Variants in PCNT observed in about 807,000 individuals in gnomAD.
PCNT encodes pericentrin.
PCNT carries 319 observed loss-of-function variants against 380.4 expected under a neutral mutation model. That is an observed-to-expected ratio of 0.84 (90% CI 0.77 to 0.92). The LOEUF (loss-of-function observed/expected upper bound fraction) is 0.92. PCNT is among the 40% of genes least tolerant of loss of function. PCNT has a pLI of 0.00. For synonymous variants in PCNT, 1,845 were observed against 1,735.2 expected (o/e 1.06, Z -1.57); for missense variants, 4,400 against 4,255.3 (o/e 1.03, Z -0.95).
At chr21:46,370,906 G>A (rs1264617986) in intron 15 of PCNT, among the ~76,000 whole-genome samples, 1 of 152,048 alleles carries the variant, frequency 6.6e-6, no homozygotes, top group African/African-American at 2.4e-5. Context: ...ATGGTGGTGG[G>A]CGCCTGTAGT....
At chr21:46,344,787 A>T (rs902074663) in intron 3 of PCNT, among the ~76,000 whole-genome samples, 1 of 152,224 alleles carries the variant, frequency 6.6e-6, no homozygotes, top group African/African-American at 2.4e-5. Context: ...GGCCCCCTGC[A>T]GCTTTTCTTT....
chr21:46,418,577 C>T (rs770887262), intron 31 of PCNT, among the ~76,000 whole-genome samples: 2 of 152,252 alleles, frequency 1.3e-5, no homozygotes, highest in Non-Finnish European at 1.5e-5. Flanking sequence ...GCTACAGCTA[C>T]AGACCTTGCT....
intron 28 of PCNT, among the ~76,000 whole-genome samples, chr21:46,412,581 T>A (rs1275974921): frequency 6.6e-6 from 1 of 152,134 alleles, no homozygotes; most frequent in African/African-American, 2.4e-5. Flanking sequence ...CTTTGTAGAG[T>A]GGCTCCCACT....
At chr21:46,436,224 G>A (rs2053442775) in intron 39 of PCNT, 76 bp downstream of exon 39, 1 of 1,555,800 alleles carries the variant, frequency 6.4e-7, no homozygotes, top group Non-Finnish European at 8.7e-7. Flanking sequence ...CCGAGGGCTG[G>A]GGCGCGTCTG....
At chr21:46,409,202 T>C (rs2086709018) in intron 27 of PCNT, among the ~76,000 whole-genome samples, 1 of 150,066 alleles carries the variant, frequency 6.7e-6, no homozygotes, top group Non-Finnish European at 1.5e-5. Flanking sequence ...TTTTTTTTTT[T>C]TTTTTTGACA....
intron 31 of PCNT, chr21:46,420,743 G>T: frequency 6.6e-6 from 1 of 152,598 alleles, no homozygotes; most frequent in South Asian, 2.0e-4. Context: ...GGCACTGGGT[G>T]ACAGTGTCCG....
rs1425966224 is a variant in PCNT at position 46,425,714 on chromosome 21, C to T, written c.7180-117C>T. ...ACGAAGCCGAGGCGGTGCCCTCCCTCTCCACAGCTGCCCGCCCTTCACAGA... is the reference window on the plus strand; with the variant it reads ...ACGAAGCCGAGGCGGTGCCCTCCCTTTCCACAGCTGCCCGCCCTTCACAGA... On this transcript the variant is annotated intron_variant, in intron 32 of 46. Coordinates refer to ENST00000359568, the MANE Select transcript of PCNT (RefSeq NM_006031.6). The surrounding 1 kb of genome is among the most constrained non-coding windows in gnomAD (Gnocchi z 4.2). 1.4e-6 allele frequency: 2 copies of T among 1,480,724 alleles called. No homozygotes were observed. The highest frequency in any genetic ancestry group is 1.9e-6 in the Non-Finnish European group (2 of 1,071,028). 91.7% of individuals were successfully genotyped at this position (1,480,724 alleles called of 1,614,324 possible). A position where few individuals can be genotyped will look rare whatever the true frequency, so the allele number is the denominator to read the frequency against.
chr21:46,388,734 T>C lies in PCNT; in HGVS notation c.3465-8T>C, dbSNP rs997591754. ...AGCTTGCCTGATGATGGGTGTCTCC[T>C]GTCTCAGAGGGGCCCTCCAGGACGC... is the stretch of plus-strand genomic sequence containing the variant. On this transcript the variant is annotated splice_region_variant and splice_polypyrimidine_tract_variant and intron_variant, in intron 17 of 46. Transcript: ENST00000359568. This position sits in a 1 kb window ranked among gnomAD's most constrained non-coding sequence, Gnocchi z 4.2. 6.2e-7 allele frequency: 1 copy of C among 1,613,670 alleles called. No individual in the cohort carries two copies. The highest frequency in any genetic ancestry group is 1.7e-5 in the Admixed American group (1 of 60,022).
chr21:46,437,063 C>T lies in PCNT; in HGVS notation c.9081C>T (p.Ser3027=). 4 of 1,613,622 alleles carry T rather than the reference C, an allele frequency of 2.5e-6. No individual in the cohort carries two copies. The highest frequency in any genetic ancestry group is 2.5e-6 in the Non-Finnish European group (3 of 1,179,642). Residue 3027 remains serine, a synonymous_variant, in exon 40 of 47, where the codon AGC becomes AGT. Transcript: ENST00000359568. ...TGGAGGAGCTGAAGTCTGACTTGAGCAGGCCCACCTCCTCCCAGGTAAGGG... is the reference window on the plus strand; with the variant it reads ...TGGAGGAGCTGAAGTCTGACTTGAGTAGGCCCACCTCCTCCCAGGTAAGGG... ...HTLEELKSDL[S]RPTSSQKKMA... is the part of the protein sequence containing the mutation.
At chr21:46,415,862 T>C (rs1226186753) in intron 29 of PCNT, among the ~76,000 whole-genome samples, 2 of 152,158 alleles carry the variant, frequency 1.3e-5, no homozygotes, top group African/African-American at 4.8e-5. Context: ...ACCGCAGAAA[T>C]AGGTTATGAC....
At chr21:46,423,718 G>A (rs1438570186) in intron 32 of PCNT, among the ~76,000 whole-genome samples, 1 of 35,106 alleles carries the variant, frequency 2.8e-5, no homozygotes, top group Non-Finnish European at 5.7e-5. Flanking sequence ...AGAGGAGGAG[G>A]AAGAGAAGGG....
rs868810092 is a variant in PCNT, at chr21:46,402,556, C to G, written c.5115+73C>G. 10 of 1,524,734 alleles carry G rather than the reference C, an allele frequency of 6.6e-6. 1 individual carries two copies. In the Middle Eastern group the frequency reaches 8.9e-4, roughly 136 times the overall value. The allele number at this position is 1,524,734 out of a possible 1,614,324, so 94.5% of individuals were successfully genotyped here. On this transcript the variant is annotated intron_variant, in intron 27 of 46. Transcript: ENST00000359568. ...CCGGTGCCGAGCGGCCACCAAGACC[C>G]TCATCGGGGAGGCGAGTCTCTGGTC...
chr21:46,425,853 A>G lies in PCNT; in HGVS notation c.7202A>G (p.Asp2401Gly), dbSNP rs767285212. The change falls in exon 33 of 47, where the codon GAC (aspartate) becomes GGC (glycine). Residue 2401 changes from aspartate (D) to glycine (G), a missense_variant. Coordinates refer to ENST00000359568, the MANE Select transcript of PCNT (RefSeq NM_006031.6). The surrounding 1 kb of genome is among the most constrained non-coding windows in gnomAD (Gnocchi z 4.2). Reference sequence around the variant, plus strand: ...CAGGCTTTACTGCAGATGGTGCGTGACGAGAGCCACCAGATCCTGGCGCTG... The same window carrying G: ...CAGGCTTTACTGCAGATGGTGCGTGGCGAGAGCCACCAGATCCTGGCGCTG... ...HVKALLQMVRDESHQILALSE... is the reference protein window; with the variant it reads ...HVKALLQMVRGESHQILALSE... The G allele has an allele frequency of 1.2e-6, 2 of 1,613,616 alleles. No individual in the cohort carries two copies. Among genetic ancestry groups the G allele is most frequent in the Non-Finnish European group, 1.7e-6 (2 of 1,179,984 alleles).
At chr21:46,402,594 C>A in intron 27 of PCNT, 111 bp downstream of exon 27, 1 of 1,159,276 alleles carries the variant, frequency 8.6e-7, no homozygotes, top group Non-Finnish European at 1.3e-6. Context: ...CACAGACGCC[C>A]GTGGCCCCCA....
At chr21:46,337,856 TTACA>T (rs1445213423) in intron 3 of PCNT, among the ~76,000 whole-genome samples, 36 of 152,224 alleles carry the variant, frequency 2.4e-4, no homozygotes, top group African/African-American at 8.7e-4. Context: ...AGTGCTAGGA[TTACA>T]GGCATGAGCC....
intron 25 of PCNT, 139 bp downstream of exon 25, chr21:46,399,935 A>C: frequency 1.3e-6 from 1 of 786,290 alleles, no homozygotes; most frequent in East Asian, 2.4e-5. Flanking sequence ...CACTGGCGTC[A>C]GGGAGAAACA....
intron 15 of PCNT, among the ~76,000 whole-genome samples, chr21:46,372,648 T>A (rs1354565670): frequency 6.6e-6 from 1 of 152,234 alleles, no homozygotes; most frequent in African/African-American, 2.4e-5. Flanking sequence ...AAGATCTCAT[T>A]TCTAGCCATA....
chr21:46,360,193 T>G (rs1454330449), intron 13 of PCNT, among the ~76,000 whole-genome samples: 1 of 146,772 alleles, frequency 6.8e-6, no homozygotes, highest in African/African-American at 2.5e-5. Context: ...GCATTTTATG[T>G]GGACAGCATA....
chr21:46,349,595 G>A, intron 7 of PCNT, 89 bp from the exon 8 acceptor site: 1 of 1,415,226 alleles, frequency 7.1e-7, no homozygotes, highest in Non-Finnish European at 1.0e-6. Context: ...CTGGGTGGCA[G>A]CGCTCTGGGT....
Sources: gnomAD v4.1 joint callset for allele counts (sites outside exome capture counted in the v4.1 genomes callset) on GRCh38, gnomAD v4.1.1 for gene constraint, Gnocchi (gnomAD v3.1) non-coding constraint, MANE v1.5 for transcripts, NCBI Gene and HGNC (gene_info 2026-07-23, HGNC 2026-07-21) for gene names.